NRCAM: variants seen among roughly 807,000 people sequenced by gnomAD.
NRCAM encodes NgCAM-related cell adhesion molecule.
NRCAM carries 83 observed loss-of-function variants against 156.5 expected under a neutral mutation model. That is an observed-to-expected ratio of 0.53 (90% confidence interval 0.44 to 0.64). The LOEUF (loss-of-function observed/expected upper bound fraction) is 0.64. NRCAM is among the 30% of genes least tolerant of loss of function. The pLI is 0.00. For missense variants in NRCAM, 1,417 were observed against 1,597.3 expected, an observed-to-expected ratio of 0.89 and a Z score of 1.92; for synonymous variants, 538 against 563.9, an observed-to-expected ratio of 0.95 and a Z score of 0.65.
At chr7:108,208,139 CAAA>C (rs10616664) in intron 12 of NRCAM, among the ~76,000 whole-genome samples, 2,642 of 140,386 alleles carry the variant, frequency 0.019, 59 homozygotes, top group African/African-American at 0.051. Context: ...ATTAAAAATA[CAAA>C]AAAAAAAAAA....
At chr7:108,378,160 T>A (rs1245990740) in intron 2 of NRCAM, among the ~76,000 whole-genome samples, 2 of 152,166 alleles carry the variant, frequency 1.3e-5, no homozygotes, top group Admixed American at 1.3e-4. Flanking sequence ...CTGCCAAGAC[T>A]TCCTATGTTG....
chr7:108,417,128 C>A (rs1270340059), intron 1 of NRCAM, among the ~76,000 whole-genome samples: 1 of 152,180 alleles, frequency 6.6e-6, no homozygotes, highest in Non-Finnish European at 1.5e-5. Flanking sequence ...ACGCTTCCCT[C>A]CATTTGATCA....
intron 2 of NRCAM, among the ~76,000 whole-genome samples, chr7:108,368,075 A>C (rs1242542372): frequency 6.6e-6 from 1 of 151,858 alleles, no homozygotes; most frequent in Non-Finnish European, 1.5e-5. Context: ...TCTGAGGTTG[A>C]CTCTCTTCCA....
chr7:108,434,881 TA>T (rs1334395530), intron 1 of NRCAM, among the ~76,000 whole-genome samples: 2 of 152,018 alleles, frequency 1.3e-5, no homozygotes, highest in Non-Finnish European at 2.9e-5. Flanking sequence ...AACAAGTTAC[TA>T]AACAAACAAT....
At chr7:108,260,905 T>C (rs1047363588) in intron 3 of NRCAM, among the ~76,000 whole-genome samples, 1 of 152,160 alleles carries the variant, frequency 6.6e-6, no homozygotes, top group Non-Finnish European at 1.5e-5. Flanking sequence ...GGTGTTCTCA[T>C]ATTCAATTCC....
intron 1 of NRCAM, among the ~76,000 whole-genome samples, chr7:108,441,436 A>C (rs556294101): frequency 3.3e-5 from 5 of 152,278 alleles, no homozygotes; most frequent in Admixed American, 2.0e-4. Flanking sequence ...TGTAGATTAG[A>C]TTAGACTATC....
chr7:108,181,677 G>A (rs1489655279), intron 24 of NRCAM, 145 bp downstream of exon 24: 9 of 442,504 alleles, frequency 2.0e-5, no homozygotes, highest in African/African-American at 2.0e-5. Context: ...GTGGCTACCT[G>A]AGGCAATGAG....
intron 8 of NRCAM, among the ~76,000 whole-genome samples, chr7:108,227,044 A>G (rs896098408): frequency 6.6e-6 from 1 of 152,202 alleles, no homozygotes; most frequent in Non-Finnish European, 1.5e-5. Flanking sequence ...TGAATTAATT[A>G]TCACCTTCTG....
At position 108,194,025 on chromosome 7, in the gene NRCAM, T is replaced by G; in HGVS notation, c.1777A>C (p.Arg593=). 1 of 1,613,152 alleles carries G rather than the reference T, an allele frequency of 6.2e-7. No homozygotes were observed. Among genetic ancestry groups the G allele is most frequent in the South Asian group, 1.1e-5 (1 of 90,804 alleles). The change falls in exon 17 of 33, where the codon AGG becomes CGG. Residue 593 remains arginine, a splice_region_variant and synonymous_variant. Coordinates refer to ENST00000379028, the MANE Select transcript of NRCAM (RefSeq NM_001037132.4). ...KDNRELPSDE[R]FTVDKDHLVV... The stretch of plus-strand genomic sequence containing the variant: ...AGTAAAGAAATCGTCTTCAAATACC[T>G]TTCATCACTGGGCAGTTCCCTGTTG...
intron 2 of NRCAM, among the ~76,000 whole-genome samples, chr7:108,361,378 T>G (rs1200565557): frequency 3.3e-5 from 5 of 152,206 alleles, no homozygotes; most frequent in African/African-American, 1.2e-4. Context: ...CTGGATATTT[T>G]GGGATTAAAT....
At chr7:108,385,749 G>A (rs193117618) in intron 2 of NRCAM, among the ~76,000 whole-genome samples, 1 of 152,126 alleles carries the variant, frequency 6.6e-6, no homozygotes, top group South Asian at 2.1e-4. Flanking sequence ...TAGCTTGGCA[G>A]AAACAGGAAT....
chr7:108,355,472 T>A (rs1029697333), intron 2 of NRCAM, among the ~76,000 whole-genome samples: 4 of 152,202 alleles, frequency 2.6e-5, no homozygotes, highest in Non-Finnish European at 4.4e-5. Flanking sequence ...TATAAAGATA[T>A]CAGCTAGAAG....
chr7:108,194,163 A>C lies in NRCAM; in HGVS notation c.1639T>G (p.Trp547Gly). 1 of 1,614,072 alleles carries C rather than the reference A, an allele frequency of 6.2e-7. No individual in the cohort carries two copies. Among genetic ancestry groups the C allele is most frequent in the Non-Finnish European group, 8.5e-7 (1 of 1,179,904 alleles). The change falls in exon 17 of 33, where the codon TGG (tryptophan) becomes GGG (glycine). Residue 547 changes from tryptophan to glycine, a missense_variant. Around this residue, in one of 2 missense-constraint regions of NRCAM, gnomAD observed 1,238 missense variants for 1,336.4 expected, o/e 0.93. Coordinates refer to ENST00000379028, the MANE Select transcript of NRCAM (RefSeq NM_001037132.4). Reference sequence around the variant, plus strand: ...GCATATTCGGGCTGTTTAACGATCCATGTAGGATCTGAAATGTAGAGTCAT... The same window carrying C: ...GCATATTCGGGCTGTTTAACGATCCCTGTAGGATCTGAAATGTAGAGTCAT... Reference protein sequence around the residue: ...EVHLEIKDPTWIVKQPEYAVV... With the variant: ...EVHLEIKDPTGIVKQPEYAVV...
intron 3 of NRCAM, among the ~76,000 whole-genome samples, chr7:108,255,163 C>T (rs2096565926): frequency 8.6e-6 from 1 of 115,662 alleles, no homozygotes; most frequent in South Asian, 2.7e-4. Flanking sequence ...CCCTCTCCCT[C>T]TCCCCCTCCC....
chr7:108,219,861 C>T (rs1479394025), intron 11 of NRCAM, among the ~76,000 whole-genome samples: 1 of 152,046 alleles, frequency 6.6e-6, no homozygotes, highest in East Asian at 1.9e-4. Flanking sequence ...AGCAATCAGA[C>T]AAGAGAAAGA....
At chr7:108,420,975 G>C (rs1808812203) in intron 1 of NRCAM, among the ~76,000 whole-genome samples, 1 of 152,128 alleles carries the variant, frequency 6.6e-6, no homozygotes, top group African/African-American at 2.4e-5. Flanking sequence ...AATAAAGACT[G>C]CTTGATAACT....
At position 108,184,623 on chromosome 7, in the gene NRCAM, G is replaced by T; in HGVS notation, c.2036-9C>A. On this transcript the variant is annotated splice_polypyrimidine_tract_variant and intron_variant, in intron 20 of 32. Transcript: ENST00000379028. ...ATATTCGATGATGAATTCTGGTCAC[G>T]ACACACACACACCAAACCCAAGACC... The T allele has an allele frequency of 1.2e-6, 2 of 1,608,536 alleles. No individual in the cohort carries two copies. Among genetic ancestry groups the T allele is most frequent in the South Asian group, 2.2e-5 (2 of 90,690 alleles).
chr7:108,244,829 C>A (rs1237698934), intron 3 of NRCAM, among the ~76,000 whole-genome samples: 2 of 152,120 alleles, frequency 1.3e-5, no homozygotes, highest in Admixed American at 1.3e-4. Flanking sequence ...GTGGTTTTTA[C>A]CCCAATAACA....
chr7:108,436,207 A>C (rs1832012732), intron 1 of NRCAM, among the ~76,000 whole-genome samples: 1 of 148,956 alleles, frequency 6.7e-6, no homozygotes, highest in African/African-American at 2.5e-5. Flanking sequence ...CCAACCTTCA[A>C]TTGCAAAATG....
Sources: gnomAD v4.1 joint callset for allele counts (sites outside exome capture counted in the v4.1 genomes callset) on GRCh38, gnomAD v4.1.1 for gene constraint, gnomAD v4.1.1 regional missense constraint, MANE v1.5 for transcripts, NCBI Gene and HGNC (gene_info 2026-07-23, HGNC 2026-07-21) for gene names.